C3orf49: variants seen among roughly 807,000 people sequenced by gnomAD.
The protein encoded by C3orf49 is putative uncharacterized protein C3orf49.
C3orf49 carries 27 observed loss-of-function variants against 13.3 expected under a neutral mutation model. The ratio of observed to expected loss-of-function variants is 2.02; its 90% CI spans 1.49 to 2.79. C3orf49 has a LOEUF of 2.79. Ranked by LOEUF, C3orf49 falls within the 30% of genes most tolerant of loss-of-function variation. The pLI, the probability that C3orf49 is intolerant of heterozygous loss-of-function variation, is 0.00. For missense variants in C3orf49, 242 were observed against 134.2 expected (o/e 1.80, Z -3.97); for synonymous variants, 87 against 47.6 (o/e 1.83, Z -3.40).
At chr3:63,846,622 C>T (rs1256726541) in intron 6 of C3orf49, among the ~76,000 whole-genome samples, 1 of 152,042 alleles carries the variant, frequency 6.6e-6, no homozygotes, top group Non-Finnish European at 1.5e-5. Flanking sequence ...GTTGGCCAGG[C>T]TGGTTCTCAA....
chr3:63,835,266 A>C, intron 5 of C3orf49: 3 of 1,612,318 alleles, frequency 1.9e-6, no homozygotes, highest in Non-Finnish European at 2.5e-6. Context: ...ACCTGTATAT[A>C]TAGATATATA....
chr3:63,787,602 G>A, the C3orf49 span, among the ~76,000 whole-genome samples: 2 of 151,996 alleles, frequency 1.3e-5, no homozygotes, highest in Non-Finnish European at 2.9e-5. Context: ...GGAAGGTTTG[G>A]AGATGGTGGT....
chr3:63,789,620 G>T, the C3orf49 span, among the ~76,000 whole-genome samples: 8 of 151,804 alleles, frequency 5.3e-5, no homozygotes, highest in Non-Finnish European at 1.0e-4. Context: ...AGACCGTCCT[G>T]GCCAACATGG....
chr3:63,846,431 G>C (rs1701898112), intron 6 of C3orf49, among the ~76,000 whole-genome samples: 1 of 151,956 alleles, frequency 6.6e-6, no homozygotes, highest in Admixed American at 6.6e-5. Context: ...TTTTTAGACG[G>C]AGTTTCACTC....
the C3orf49 span, among the ~76,000 whole-genome samples, chr3:63,802,743 T>C: frequency 1.3e-5 from 2 of 152,150 alleles, no homozygotes; most frequent in Non-Finnish European, 2.9e-5. Context: ...CTGAAAATAA[T>C]AATTAAAGTG....
At chr3:63,820,811 A>C (rs1205381349) in intron 1 of C3orf49, among the ~76,000 whole-genome samples, 1 of 152,140 alleles carries the variant, frequency 6.6e-6, no homozygotes, top group Non-Finnish European at 1.5e-5. Flanking sequence ...CATTATAATA[A>C]CTATACACAA....
intron 5 of C3orf49, among the ~76,000 whole-genome samples, chr3:63,840,790 T>C (rs1314256302): frequency 6.6e-6 from 1 of 152,190 alleles, no homozygotes; most frequent in Non-Finnish European, 1.5e-5. Context: ...AAAGATCTGA[T>C]AAAACTGTTG....
At chr3:63,788,780 C>T in the C3orf49 span, among the ~76,000 whole-genome samples, 1 of 151,720 alleles carries the variant, frequency 6.6e-6, no homozygotes, top group Admixed American at 6.6e-5. Context: ...GAGACTTGCC[C>T]AGGGTCACAA....
At chr3:63,793,706 G>T in the C3orf49 span, among the ~76,000 whole-genome samples, 1 of 151,980 alleles carries the variant, frequency 6.6e-6, no homozygotes. Context: ...GCTTTATTTT[G>T]CTCCGTCACA....
chr3:63,794,042 C>A, the C3orf49 span, among the ~76,000 whole-genome samples: 1 of 152,022 alleles, frequency 6.6e-6, no homozygotes, highest in Admixed American at 6.6e-5. Context: ...GTAGTCCCTG[C>A]TACTTAGGAA....
chr3:63,846,286 C>T (rs1701893482), intron 6 of C3orf49: 4 of 420,884 alleles, frequency 9.5e-6, no homozygotes, highest in South Asian at 3.4e-5. Flanking sequence ...AATCCCCAAG[C>T]GACTTGCACT....
At chr3:63,786,511 G>T in the C3orf49 span, among the ~76,000 whole-genome samples, 4 of 152,154 alleles carry the variant, frequency 2.6e-5, no homozygotes, top group African/African-American at 4.8e-5. Context: ...TTTGCTTGTT[G>T]ATGGAAAGAA....
chr3:63,821,977 T>C (rs1037586569), intron 1 of C3orf49, among the ~76,000 whole-genome samples: 38 of 150,772 alleles, frequency 2.5e-4, no homozygotes, highest in African/African-American at 2.2e-4. Flanking sequence ...ATTTCTTTCT[T>C]TTTTTTTTGT....
chr3:63,847,048 C>G (rs950259879), intron 6 of C3orf49, among the ~76,000 whole-genome samples: 1 of 152,006 alleles, frequency 6.6e-6, no homozygotes, highest in Non-Finnish European at 1.5e-5. Flanking sequence ...TAGAACGCCT[C>G]CTAGTTTGTT....
At chr3:63,815,247 C>G (rs956262758), upstream of C3orf49, among the ~76,000 whole-genome samples, 1 of 152,114 alleles carries the variant, frequency 6.6e-6, no homozygotes. Context: ...TCCCCTATAT[C>G]CCAGTTCATT....
chr3:63,806,951 A>AT, the C3orf49 span, among the ~76,000 whole-genome samples: 53 of 148,400 alleles, frequency 3.6e-4, no homozygotes, highest in South Asian at 1.5e-3. Flanking sequence ...AGAATACCTC[A>AT]TTTTTTTTTT....
In C3orf49 at chr3:63,823,577, T is replaced by A. The variant is rs74354700; in HGVS notation, c.445+8T>A. 4.2e-5 allele frequency: 29 copies of A among 691,402 alleles called. No homozygotes were observed. In the East Asian group the frequency reaches 7.0e-4, roughly 17 times the overall value. The allele number at this position is 691,402 out of a possible 1,614,324, so 42.8% of individuals were successfully genotyped here. On this transcript the variant is annotated splice_region_variant and intron_variant, in intron 2 of 6. Coordinates refer to ENST00000295896, the MANE Select transcript of C3orf49 (RefSeq NM_001355236.2). ...GAAAGCTCTCAGAGAATGGTAATCA[T>A]ATTTGGGCAATTTGTCTTTGGGTTG...
intron 3 of C3orf49, among the ~76,000 whole-genome samples, chr3:63,827,967 C>CT (rs1182420682): frequency 6.6e-6 from 1 of 152,176 alleles, no homozygotes; most frequent in Non-Finnish European, 1.5e-5. Context: ...ATTTTTATAA[C>CT]TGACTTTCTC....
chr3:63,791,989 T>G, the C3orf49 span, among the ~76,000 whole-genome samples: 13 of 152,344 alleles, frequency 8.5e-5, no homozygotes, highest in Non-Finnish European at 1.5e-4. Context: ...ATATTTACAC[T>G]CAGAGACATA....
Sources: gnomAD v4.1 joint callset for allele counts (sites outside exome capture counted in the v4.1 genomes callset) on GRCh38, gnomAD v4.1.1 for gene constraint, MANE v1.5 for transcripts, NCBI Gene and HGNC (gene_info 2026-07-23, HGNC 2026-07-21) for gene names.